Variants in LTBP1 observed in about 807,000 individuals in gnomAD.
LTBP1 encodes the protein latent-transforming growth factor beta-binding protein 1.
In LTBP1, 129 loss-of-function variants were observed where a neutral mutation model predicts 207.6. The ratio of observed to expected loss-of-function variants is 0.62; its 90% CI spans 0.54 to 0.72. The LOEUF is 0.72. Among genes scored for constraint, LTBP1 ranks in the 30% least tolerant of loss-of-function variants. The probability of loss-of-function intolerance (pLI) is 0.00; values close to 1 mark genes in which losing one functional copy is unlikely to be tolerated. For synonymous variants in LTBP1, 963 were observed against 833.7 expected, an observed-to-expected ratio of 1.16 and a Z score of -2.67; for missense variants, 2,281 against 2,217.2, an observed-to-expected ratio of 1.03 and a Z score of -0.58.
At chr2:32,996,216 A>G (rs1161320967) in intron 2 of LTBP1, among the ~76,000 whole-genome samples, 1 of 152,166 alleles carries the variant, frequency 6.6e-6, no homozygotes, top group Non-Finnish European at 1.5e-5. Flanking sequence ...GGAAGTCAAG[A>G]TCAGGGTGCC....
chr2:33,285,071 C>A (rs2093637348), intron 19 of LTBP1, among the ~76,000 whole-genome samples: 1 of 139,666 alleles, frequency 7.2e-6, no homozygotes, highest in Non-Finnish European at 1.5e-5. Context: ...GATGGAGTCT[C>A]ACTCTTGTCG....
Position 32,947,619 on chromosome 2 carries a change from A to G in LTBP1, c.295A>G (p.Arg99Gly). Reference sequence around the variant, plus strand: ...GGGCGGCGCGGCCCTGCAGGGGCTCAGACCGCCGCCGCCGCCGCCGCCGGA... The same window carrying G: ...GGGCGGCGCGGCCCTGCAGGGGCTCGGACCGCCGCCGCCGCCGCCGCCGGA... ...KPGGAALQGLRPPPPPPPEPA... is the reference protein window; with the variant it reads ...KPGGAALQGLGPPPPPPPEPA... Residue 99 changes from arginine to glycine, a missense_variant, in exon 1 of 34, where the codon AGA becomes GGA. This residue lies in a region of LTBP1 where 555 missense variants were observed against 491.0 expected (regional missense o/e 1.13). Coordinates refer to ENST00000404816, the MANE Select transcript of LTBP1 (RefSeq NM_206943.4). 7.5e-7 allele frequency: 1 copy of G among 1,338,380 alleles called. No individual in the cohort carries two copies. The highest frequency in any genetic ancestry group is 2.0e-5 in the South Asian group (1 of 50,824). The allele number at this position is 1,338,380 out of a possible 1,614,324, so 82.9% of individuals were successfully genotyped here. A position where few individuals can be genotyped will look rare whatever the true frequency, so the allele number is the denominator to read the frequency against.
chr2:33,283,854 G>A (rs1361058119), intron 19 of LTBP1, among the ~76,000 whole-genome samples: 3 of 152,160 alleles, frequency 2.0e-5, no homozygotes, highest in Non-Finnish European at 4.4e-5. Flanking sequence ...TTCCATAAAT[G>A]TTAGTGTCTT....
rs2091596883 is a variant in LTBP1, at chr2:33,228,697, C to CTGTTTTTTTTTTTTTTTTTTT, written c.1876+6547_1876+6548insGTTTTTTTTTTTTTTTTTTTT. Among the ~76,000 whole-genome samples, 2 of 99,060 alleles carry CTGTTTTTTTTTTTTTTTTTTT rather than the reference C, an allele frequency of 2.0e-5. 1 individual carries two copies. The highest frequency in any genetic ancestry group is 8.3e-5 in the African/African-American group (2 of 24,212). 65.0% of individuals were successfully genotyped at this position (99,060 alleles called of 152,430 possible). ...TAATAAGCCCAACCAGGGTTATACC[C>CTGTTTTTTTTTTTTTTTTTTT]TTTTTTTTTTTTTTTTTTTTTGAGA... On this transcript the variant is annotated intron_variant, in intron 9 of 33. Coordinates refer to ENST00000404816, the MANE Select transcript of LTBP1 (RefSeq NM_206943.4).
intron 3 of LTBP1, among the ~76,000 whole-genome samples, chr2:33,039,144 G>A (rs1441829048): frequency 6.6e-6 from 1 of 152,190 alleles, no homozygotes; most frequent in African/African-American, 2.4e-5. Flanking sequence ...TGGCCTTTGT[G>A]TGTTATAATC....
At position 33,252,673 on chromosome 2, in the gene LTBP1, T is replaced by A. The variant is rs375416395; in HGVS notation, c.2000-4T>A. The A allele has an allele frequency of 1.2e-6, 2 of 1,607,648 alleles. No homozygotes were observed. The highest frequency in any genetic ancestry group is 1.3e-5 in the African/African-American group (1 of 74,804). Reference sequence around the variant, plus strand: ...TAATGTCGGGCTTTATCTCTCTGCTTCAGCTGATCCCCCTGTGATCTCGGA... The same window carrying A: ...TAATGTCGGGCTTTATCTCTCTGCTACAGCTGATCCCCCTGTGATCTCGGA... On this transcript the variant is annotated splice_region_variant and splice_polypyrimidine_tract_variant and intron_variant, in intron 10 of 33. Transcript: ENST00000404816.
At chr2:33,282,860 C>T (rs1178277890) in intron 19 of LTBP1, among the ~76,000 whole-genome samples, 9 of 151,972 alleles carry the variant, frequency 5.9e-5, no homozygotes, top group African/African-American at 2.2e-4. Context: ...GTCAAGAGAT[C>T]GAGACCATCC....
Position 33,285,455 on chromosome 2 carries a change from T to TTC in LTBP1, c.3112+5298_3112+5299insCT, listed in dbSNP as rs527617463. Reference sequence around the variant, plus strand: ...CTCTTTTCTTTCTTTCTTTTTCTTTTTTTTTTTTTTTGAGACGGAGTCTCC... The same window carrying TTC: ...CTCTTTTCTTTCTTTCTTTTTCTTTTTCTTTTTTTTTTTGAGACGGAGTCTCC... On this transcript the variant is annotated intron_variant, in intron 19 of 33. Transcript: ENST00000404816. Among the ~76,000 whole-genome samples, 55 of 147,674 alleles carry TTC rather than the reference T, an allele frequency of 3.7e-4. 1 individual carries two copies. In the South Asian group the frequency reaches 0.012, roughly 32 times the overall value.
chr2:33,324,303 A>T (rs2094397205), intron 24 of LTBP1, among the ~76,000 whole-genome samples: 2 of 152,110 alleles, frequency 1.3e-5, no homozygotes, highest in East Asian at 3.9e-4. Flanking sequence ...TATAATTTTA[A>T]TTATAATATA....
In LTBP1 at chr2:33,328,538, C is replaced by T. The variant is rs190400377; in HGVS notation, c.3730+13269C>T. Among the ~76,000 whole-genome samples, 81 of 152,258 alleles carry T rather than the reference C, an allele frequency of 5.3e-4. 1 individual carries two copies. The East Asian group carries it at 0.014, about 27-fold the overall frequency. ...AAGAGCAGGTACCTTCTTCACAGGG[C>T]GGCAGGATGGAGTGAGCGCAAGCAG... On this transcript the variant is annotated intron_variant, in intron 24 of 33. Transcript: ENST00000404816.
chr2:33,026,216 C>T (rs1226362911), intron 3 of LTBP1, among the ~76,000 whole-genome samples: 1 of 152,240 alleles, frequency 6.6e-6, no homozygotes, highest in South Asian at 2.1e-4. Context: ...CTTAAACGAT[C>T]TCTCAGACTG....
At chr2:33,072,401 CCA>C (rs1356136233) in intron 3 of LTBP1, among the ~76,000 whole-genome samples, 2 of 152,140 alleles carry the variant, frequency 1.3e-5, no homozygotes, top group Admixed American at 1.3e-4. Flanking sequence ...GGGAAACCTA[CCA>C]AGGCCTGTCC....
At chr2:32,987,011 G>C (rs1432348395) in intron 2 of LTBP1, among the ~76,000 whole-genome samples, 2 of 152,178 alleles carry the variant, frequency 1.3e-5, no homozygotes, top group African/African-American at 4.8e-5. Context: ...TGATGGGAAG[G>C]CAGGGCTAGC....
At chr2:33,293,518 C>G (rs543706694) in intron 20 of LTBP1, among the ~76,000 whole-genome samples, 1 of 152,136 alleles carries the variant, frequency 6.6e-6, no homozygotes, top group East Asian at 1.9e-4. Flanking sequence ...AGCCACAGAT[C>G]GGTTCATCTA....
intron 31 of LTBP1, among the ~76,000 whole-genome samples, chr2:33,370,600 A>G (rs1319131223): frequency 1.3e-5 from 2 of 152,252 alleles, no homozygotes; most frequent in Admixed American, 1.3e-4. Flanking sequence ...TCTATCATAA[A>G]GGAAGCAAAG....
chr2:33,175,833 T>G (rs965634789), intron 5 of LTBP1, among the ~76,000 whole-genome samples: 2 of 145,410 alleles, frequency 1.4e-5, no homozygotes, highest in African/African-American at 2.5e-5. Flanking sequence ...CATAAAAAAA[T>G]GATGAGTTCA....
intron 28 of LTBP1, 130 bp from the exon 29 acceptor site, chr2:33,363,260 G>A: frequency 2.3e-6 from 2 of 870,722 alleles, no homozygotes; most frequent in Non-Finnish European, 3.4e-6. Flanking sequence ...TTATATTGCT[G>A]TTTGTGTAGG....
At chr2:33,277,604 C>G (rs1283168388) in intron 18 of LTBP1, among the ~76,000 whole-genome samples, 2 of 151,904 alleles carry the variant, frequency 1.3e-5, no homozygotes, top group African/African-American at 2.4e-5. Context: ...AAATCTCCCC[C>G]CATCCCTGAC....
rs748910126 is a variant in LTBP1 at position 33,347,482 on chromosome 2, T to G, written c.3972T>G (p.Thr1324=). The change falls in exon 26 of 34, where the codon ACT becomes ACG. Residue 1324 remains threonine (T), a synonymous_variant. Coordinates refer to ENST00000404816, the MANE Select transcript of LTBP1 (RefSeq NM_206943.4). The stretch of plus-strand genomic sequence containing the variant: ...AAAACCAAGAGTACAGCCCCATGAC[T>G]GGGCAGTGCCGCTCCCGGACCTCCA... ...ADENQEYSPM[T]GQCRSRTSTD... is the part of the protein sequence containing the mutation. 4.3e-6 allele frequency: 7 copies of G among 1,614,196 alleles called. No individual in the cohort carries two copies. Among genetic ancestry groups the G allele is most frequent in the Middle Eastern group, 3.3e-4 (2 of 6,052 alleles).
Sources: allele counts gnomAD v4.1 joint callset (sites outside exome capture counted in the v4.1 genomes callset), GRCh38; gene constraint gnomAD v4.1.1; regional missense constraint gnomAD v4.1.1; transcripts MANE v1.5; gene names NCBI Gene and HGNC (gene_info 2026-07-23, HGNC 2026-07-21).